PIK3C2G: variants seen among roughly 807,000 people sequenced by gnomAD.
PIK3C2G encodes phosphatidylinositol 3-kinase C2 domain-containing subunit gamma.
Under a neutral mutation model 181.1 loss-of-function variants are expected in PIK3C2G, and 168 were observed. The ratio of observed to expected loss-of-function variants is 0.93; its 90% confidence interval spans 0.82 to 1.05. PIK3C2G has a LOEUF of 1.05. Ranked by LOEUF, PIK3C2G falls within the 50% of genes least tolerant of loss-of-function variation. The pLI is 0.00. For missense variants in PIK3C2G, 1,869 were observed against 1,732.8 expected (o/e 1.08, Z -1.40); for synonymous variants, 573 against 592.2 (o/e 0.97, Z 0.47).
At chr12:18,687,264 A>G in the PIK3C2G span, among the ~76,000 whole-genome samples, 1 of 152,148 alleles carries the variant, frequency 6.6e-6, no homozygotes, top group South Asian at 2.1e-4. Context: ...GTTAGAAATT[A>G]TTATCCAAGA....
intron 30 of PIK3C2G, among the ~76,000 whole-genome samples, chr12:18,602,337 C>T (rs978832287): frequency 2.0e-5 from 3 of 151,768 alleles, no homozygotes; most frequent in East Asian, 1.9e-4. Flanking sequence ...TCCAGTGACC[C>T]GGGACCTCAC....
intron 29 of PIK3C2G, among the ~76,000 whole-genome samples, chr12:18,592,846 T>C (rs888455438): frequency 4.6e-5 from 7 of 151,916 alleles, no homozygotes; most frequent in African/African-American, 1.7e-4. Context: ...GAGGAACTAA[T>C]AGAATCCAGG....
chr12:18,583,649 T>A (rs1304416670), intron 29 of PIK3C2G, among the ~76,000 whole-genome samples: 1 of 152,038 alleles, frequency 6.6e-6, no homozygotes, highest in Non-Finnish European at 1.5e-5. Context: ...CAGGTCCTGG[T>A]CATCACTTCT....
At chr12:18,467,085 T>C (rs1249785653) in intron 18 of PIK3C2G, among the ~76,000 whole-genome samples, 1 of 152,026 alleles carries the variant, frequency 6.6e-6, no homozygotes, top group Non-Finnish European at 1.5e-5. Flanking sequence ...AACTTTACTA[T>C]TGTCATTCAT....
chr12:18,276,516 T>G (rs1474858405), intron 1 of PIK3C2G, among the ~76,000 whole-genome samples: 2 of 152,178 alleles, frequency 1.3e-5, no homozygotes, highest in Non-Finnish European at 2.9e-5. Context: ...AACAAAAACA[T>G]ACCCAATATA....
chr12:18,440,889 T>A lies in PIK3C2G; in HGVS notation c.2504+16850T>A, dbSNP rs182783471. 6.6e-4 allele frequency among the ~76,000 whole-genome samples: 101 copies of A among 152,276 alleles called. No individual in the cohort carries two copies. The Middle Eastern group carries it at 0.014, about 21-fold the overall frequency. On this transcript the variant is annotated intron_variant, in intron 18 of 32. Coordinates refer to ENST00000538779, the MANE Select transcript of PIK3C2G (RefSeq NM_001288772.2). ...GTGAAGTAACTATTGAACATTTTCA[T>A]CTGGGCTAGAACTAAAAATGAGAAA...
chr12:18,257,185 G>A (rs1320798012), upstream of PIK3C2G, among the ~76,000 whole-genome samples: 1 of 152,136 alleles, frequency 6.6e-6, no homozygotes, highest in African/African-American at 2.4e-5. Context: ...CAAAAGGGAG[G>A]TTGAAAAAGG....
the PIK3C2G span, among the ~76,000 whole-genome samples, chr12:18,694,651 T>C: frequency 3.3e-5 from 5 of 152,148 alleles, no homozygotes; most frequent in African/African-American, 1.2e-4. Flanking sequence ...AATGAAATCA[T>C]ATAGTAGAAC....
chr12:18,409,447 G>A (rs1235547057), intron 16 of PIK3C2G, among the ~76,000 whole-genome samples: 1 of 152,064 alleles, frequency 6.6e-6, no homozygotes, highest in African/African-American at 2.4e-5. Flanking sequence ...ACCTAATGTA[G>A]ATGATGGGTT....
chr12:18,356,027 G>GGAGTGGCC (rs1471396138), intron 11 of PIK3C2G, among the ~76,000 whole-genome samples: 1 of 152,162 alleles, frequency 6.6e-6, no homozygotes, highest in Non-Finnish European at 1.5e-5. Context: ...GCAATACTGA[G>GGAGTGGCC]GAGTGGCCTT....
At chr12:18,505,672 G>C (rs1941779195) in intron 24 of PIK3C2G, among the ~76,000 whole-genome samples, 1 of 152,172 alleles carries the variant, frequency 6.6e-6, no homozygotes, top group Non-Finnish European at 1.5e-5. Flanking sequence ...ATTGGTAGTA[G>C]ACTAAACTGG....
chr12:18,243,747 T>G (rs1173920288), upstream of PIK3C2G, among the ~76,000 whole-genome samples: 1 of 151,984 alleles, frequency 6.6e-6, no homozygotes, highest in African/African-American at 2.4e-5. Flanking sequence ...CAAATAGAAT[T>G]TCAAATTCAG....
chr12:18,477,539 G>A (rs1939127137), intron 18 of PIK3C2G, among the ~76,000 whole-genome samples: 2 of 152,162 alleles, frequency 1.3e-5, no homozygotes, highest in South Asian at 4.1e-4. Context: ...TAGCCAGGTA[G>A]GTTGTGGAGG....
the PIK3C2G span, among the ~76,000 whole-genome samples, chr12:18,660,073 T>C: frequency 6.6e-6 from 1 of 152,180 alleles, no homozygotes; most frequent in African/African-American, 2.4e-5. Context: ...ACAATTACAC[T>C]GACATAATCT....
At chr12:18,616,554 T>C (rs918792319) in intron 31 of PIK3C2G, among the ~76,000 whole-genome samples, 1 of 152,128 alleles carries the variant, frequency 6.6e-6, no homozygotes, top group African/African-American at 2.4e-5. Context: ...TTATTTTTAA[T>C]GTTCAAAAAC....
the PIK3C2G span, chr12:18,683,777 A>G: frequency 7.4e-6 from 4 of 539,872 alleles, no homozygotes; most frequent in African/African-American, 1.9e-5. Flanking sequence ...TCTTCTCCTC[A>G]GGCAGGAAGA....
At chr12:18,490,376 C>T (rs941894889) in intron 19 of PIK3C2G, among the ~76,000 whole-genome samples, 2 of 152,088 alleles carry the variant, frequency 1.3e-5, no homozygotes, top group Admixed American at 6.6e-5. Flanking sequence ...CTGAATTGGG[C>T]TCAAAAAGTT....
At chr12:18,355,746 C>T (rs1940669704) in intron 11 of PIK3C2G, among the ~76,000 whole-genome samples, 1 of 152,212 alleles carries the variant, frequency 6.6e-6, no homozygotes, top group Non-Finnish European at 1.5e-5. Flanking sequence ...CATTCACACA[C>T]CTGTGGCCAT....
At chr12:18,668,297 GATA>G in the PIK3C2G span, among the ~76,000 whole-genome samples, 3 of 152,156 alleles carry the variant, frequency 2.0e-5, no homozygotes, top group African/African-American at 4.8e-5. Flanking sequence ...CTTCCCTACG[GATA>G]ATAATTCTTT....
Sources: allele counts gnomAD v4.1 joint callset (sites outside exome capture counted in the v4.1 genomes callset), GRCh38; gene constraint gnomAD v4.1.1; transcripts MANE v1.5; gene names NCBI Gene and HGNC (gene_info 2026-07-23, HGNC 2026-07-21).